Variants in ANK1 observed in about 807,000 individuals in gnomAD.
The protein encoded by ANK1 is ankyrin 1, also known as ankyrin-1.
Under a neutral mutation model 210.4 loss-of-function variants are expected in ANK1, and 51 were observed. That is an observed-to-expected ratio of 0.24 (90% CI 0.19 to 0.31). ANK1 has a LOEUF of 0.31. Ranked by LOEUF, ANK1 falls within the 10% of genes least tolerant of loss-of-function variation. ANK1 has a pLI of 1.00. For missense variants in ANK1, 2,051 were observed against 2,504.4 expected (o/e 0.82, Z 3.86); for synonymous variants, 967 against 1,025.9 (o/e 0.94, Z 1.10).
At position 41,688,533 on chromosome 8, in the gene ANK1, G is replaced by T. The variant is rs776002018; in HGVS notation, c.4161C>A (p.Ser1387Arg). The change falls in exon 34 of 43, where the codon AGC (serine) becomes AGA (arginine). Residue 1387 changes from serine (S) to arginine (R), a missense_variant. Around this residue, in one of 6 missense-constraint regions of ANK1, gnomAD observed 1,413 missense variants for 1,707.4 expected, o/e 0.83. Transcript: ENST00000289734. ...RTPTPLALRY[S>R]ILSESTPGSL... The stretch of plus-strand genomic sequence containing the variant: ...TACCTGGTGTGGACTCACTGAGAAT[G>T]CTGTATCGCAGGGCCAGGGGCGTCG... The T allele has an allele frequency of 4.3e-6, 7 of 1,614,196 alleles. No individual in the cohort carries two copies. In the Admixed American group the frequency reaches 1.2e-4, roughly 27 times the overall value.
intron 42 of ANK1, among the ~76,000 whole-genome samples, chr8:41,656,177 C>A (rs1805634720): frequency 6.6e-6 from 1 of 152,246 alleles, no homozygotes; most frequent in Non-Finnish European, 1.5e-5. Context: ...AGGGCTTGTG[C>A]CAAGAAGGGG....
chr8:41,738,496 C>A (rs1833968372), intron 2 of ANK1, among the ~76,000 whole-genome samples: 1 of 152,204 alleles, frequency 6.6e-6, no homozygotes, highest in Non-Finnish European at 1.5e-5. Context: ...AAATGCATAA[C>A]TAGTTTATGC....
intron 20 of ANK1, 41 bp downstream of exon 20, chr8:41,704,000 G>T: frequency 6.4e-7 from 1 of 1,560,664 alleles, no homozygotes. Flanking sequence ...CTGCTGCCAT[G>T]GGGAGCAGTT....
chr8:41,893,090 T>C (rs1819755996), intron 1 of ANK1, among the ~76,000 whole-genome samples: 1 of 152,156 alleles, frequency 6.6e-6, no homozygotes, highest in South Asian at 2.1e-4. Context: ...TATCCTCTGC[T>C]TCACTTTTCC....
intron 1 of ANK1, among the ~76,000 whole-genome samples, chr8:41,858,083 A>G (rs925992454): frequency 4.6e-5 from 7 of 151,966 alleles, no homozygotes; most frequent in East Asian, 3.9e-4. Flanking sequence ...GTTTTTAAAA[A>G]TTATCCAGGT....
In ANK1 at chr8:41,688,476, G is replaced by A. The variant is rs199727269; in HGVS notation, c.4183+35C>T. The A allele has an allele frequency of 6.2e-6, 10 of 1,605,586 alleles. No individual in the cohort carries two copies. In the Admixed American group the frequency reaches 1.5e-4, roughly 24 times the overall value. On this transcript the variant is annotated intron_variant, in intron 34 of 42. Coordinates refer to ENST00000289734, the MANE Select transcript of ANK1 (RefSeq NM_000037.4). ...AGCTCACGCCCACCCTTCTTGGGAA[G>A]GGAGCAAGCATGCATCATCACACAG... is the stretch of plus-strand genomic sequence containing the variant.
rs772655948 is a variant in ANK1 at position 41,698,026 on chromosome 8, G to C, written c.2637+17C>G. 1.2e-6 allele frequency: 2 copies of C among 1,613,556 alleles called. No individual in the cohort carries two copies. Among genetic ancestry groups the C allele is most frequent in the Non-Finnish European group, 8.5e-7 (1 of 1,179,674 alleles). On this transcript the variant is annotated intron_variant, in intron 24 of 42. Coordinates refer to ENST00000289734, the MANE Select transcript of ANK1 (RefSeq NM_000037.4). ...ATGCCCTCCATGTGGGGAAACCACA[G>C]AGAAGGAGCTTCTCACCTGCTCCTG...
At chr8:41,807,037 CACTT>C (rs1182551220) in intron 1 of ANK1, among the ~76,000 whole-genome samples, 1 of 152,176 alleles carries the variant, frequency 6.6e-6, no homozygotes, top group Non-Finnish European at 1.5e-5. Context: ...ATTTATTAAG[CACTT>C]ACTATGTTCT....
At chr8:41,718,368 T>C (rs1403984977) in intron 10 of ANK1, among the ~76,000 whole-genome samples, 164 bp from the exon 11 acceptor site, 1 of 152,208 alleles carries the variant, frequency 6.6e-6, no homozygotes, top group Non-Finnish European at 1.5e-5. Flanking sequence ...AGTCTTATAA[T>C]GTCAATTAAT....
intron 1 of ANK1, among the ~76,000 whole-genome samples, chr8:41,767,291 A>G (rs2150728452): frequency 6.9e-6 from 1 of 145,606 alleles, no homozygotes; most frequent in South Asian, 2.2e-4. Context: ...CCCGGCCCCG[A>G]TCCCCGCGCC....
chr8:41,676,649 C>T lies in ANK1; in HGVS notation c.4538-3737G>A, dbSNP rs890641679. Among the ~76,000 whole-genome samples, 13 of 152,120 alleles carry T rather than the reference C, an allele frequency of 8.5e-5. 1 individual carries two copies. Among genetic ancestry groups the T allele is most frequent in the African/African-American group, 3.1e-4 (13 of 41,438 alleles). ...GGTGTTGTATCTGAGAAATCTTTGC[C>T]TTAACCAAGATCTTTAAGGTTTTTT... On this transcript the variant is annotated intron_variant, in intron 37 of 42. Coordinates refer to ENST00000289734, the MANE Select transcript of ANK1 (RefSeq NM_000037.4).
In ANK1 at chr8:41,837,616, A is replaced by C. The variant is rs573036912; in HGVS notation, c.126+58739T>G. On this transcript the variant is annotated intron_variant, in intron 1 of 42. Transcript: ENST00000265709. ...GCCAGGCATGGTGGCTCACGCCTGT[A>C]ATCCCAGCACTTTGGGAGGCTGAGG... 5.9e-5 allele frequency among the ~76,000 whole-genome samples: 9 copies of C among 152,338 alleles called. No homozygotes were observed. The East Asian group carries it at 1.5e-3, about 26-fold the overall frequency.
intron 1 of ANK1, among the ~76,000 whole-genome samples, chr8:41,788,219 C>A (rs932807866): frequency 6.6e-6 from 1 of 152,182 alleles, no homozygotes; most frequent in Non-Finnish European, 1.5e-5. Context: ...TCTCTGATTG[C>A]GCCCTTACCA....
At chr8:41,888,009 G>A (rs773590087) in intron 1 of ANK1, among the ~76,000 whole-genome samples, 37 of 152,188 alleles carry the variant, frequency 2.4e-4, no homozygotes, top group East Asian at 1.9e-4. Context: ...TGTGTGTGTC[G>A]TACTTAAAGC....
intron 39 of ANK1, chr8:41,665,196 A>T: frequency 6.5e-7 from 1 of 1,530,960 alleles, no homozygotes; most frequent in Non-Finnish European, 8.7e-7. Flanking sequence ...CTCTGTGGGC[A>T]GGACACCGAA....
rs1805038819 is a variant in ANK1 at position 41,654,406 on chromosome 8, G to C, written c.*1384C>G. The C allele has an allele frequency of 6.5e-6, 1 of 152,680 alleles. No homozygotes were observed. Among genetic ancestry groups the C allele is most frequent in the Non-Finnish European group, 1.5e-5 (1 of 68,072 alleles). The allele number at this position is 152,680 out of a possible 1,614,324, so 9.5% of individuals were successfully genotyped here. A position where few individuals can be genotyped will look rare whatever the true frequency, so the allele number is the denominator to read the frequency against. On this transcript the variant is annotated 3_prime_UTR_variant, in exon 43 of 43. Transcript: ENST00000289734. ...GGAGCCCCCTGGCTCGCCTCTCCAA[G>C]AGGCCACAGGGGCTGGGCAGAGGGG...
chr8:41,870,519 T>G (rs1300756499), intron 1 of ANK1, among the ~76,000 whole-genome samples: 1 of 152,078 alleles, frequency 6.6e-6, no homozygotes, highest in African/African-American at 2.4e-5. Flanking sequence ...CCCCACAATA[T>G]CAAGGGGACT....
chr8:41,862,594 T>G (rs995670868), intron 1 of ANK1, among the ~76,000 whole-genome samples: 26 of 151,414 alleles, frequency 1.7e-4, no homozygotes, highest in African/African-American at 5.8e-4. Context: ...TTTGTTTATT[T>G]TCAAGTGAAA....
chr8:41,858,456 C>T (rs942665584), intron 1 of ANK1, among the ~76,000 whole-genome samples: 4 of 152,192 alleles, frequency 2.6e-5, no homozygotes, highest in African/African-American at 9.6e-5. Flanking sequence ...ATGGGAAACA[C>T]TGGGGGAGGC....
Sources: gnomAD v4.1 joint callset for allele counts (sites outside exome capture counted in the v4.1 genomes callset) on GRCh38, gnomAD v4.1.1 for gene constraint, gnomAD v4.1.1 regional missense constraint, MANE v1.5 for transcripts, NCBI Gene and HGNC (gene_info 2026-07-23, HGNC 2026-07-21) for gene names.